Variants in TMC2 observed in about 807,000 individuals in gnomAD.
TMC2 encodes transmembrane channel-like protein 2.
TMC2 carries 102 observed loss-of-function variants against 105.9 expected under a neutral mutation model. The observed-to-expected ratio is 0.96, with a 90% CI of 0.82 to 1.14. The LOEUF is 1.14. TMC2 is among the 50% of genes most tolerant of loss of function. The pLI is 0.00. For synonymous variants in TMC2, 402 were observed against 422.8 expected, an observed-to-expected ratio of 0.95 and a Z score of 0.60; for missense variants, 1,093 against 1,134.3, an observed-to-expected ratio of 0.96 and a Z score of 0.52.
At chr20:2,580,482 T>C (rs2086181533) in intron 7 of TMC2, among the ~76,000 whole-genome samples, 2 of 152,154 alleles carry the variant, frequency 1.3e-5, no homozygotes, top group Non-Finnish European at 2.9e-5. Context: ...TTTCTTTTAC[T>C]CTCAGAAAAA....
At chr20:2,548,251 T>C (rs2085936066) in intron 2 of TMC2, among the ~76,000 whole-genome samples, 1 of 152,204 alleles carries the variant, frequency 6.6e-6, no homozygotes, top group East Asian at 1.9e-4. Context: ...GGCCCAAACA[T>C]ATAACTTCTC....
chr20:2,616,437 A>T lies in TMC2; in HGVS notation c.1940+233A>T, dbSNP rs561662979. Among the ~76,000 whole-genome samples, 1 of 151,888 alleles carries T rather than the reference A, an allele frequency of 6.6e-6. No homozygotes were observed. Among genetic ancestry groups the T allele is most frequent in the East Asian group, 1.9e-4 (1 of 5,158 alleles). ...AGAAAGGGAGAGGGGTTGGTGGAGG[A>T]GAAAAGGAAAAGGAAGGAAGGCAGG... On this transcript the variant is annotated intron_variant, in intron 15 of 19. Transcript: ENST00000358864. The surrounding 1 kb of genome is among the most constrained non-coding windows in gnomAD (Gnocchi z 4.8).
intron 17 of TMC2, among the ~76,000 whole-genome samples, chr20:2,627,617 G>A (rs912313777): frequency 2.0e-5 from 3 of 152,098 alleles, no homozygotes; most frequent in African/African-American, 7.2e-5. Context: ...GGAATGTGGA[G>A]CTCACCTCAC....
chr20:2,586,732 C>G (rs942016071), intron 7 of TMC2, among the ~76,000 whole-genome samples: 21 of 152,114 alleles, frequency 1.4e-4, no homozygotes, highest in African/African-American at 5.1e-4. Context: ...TATGTCCCAC[C>G]AGGCCCCACC....
At chr20:2,597,321 C>T (rs1485861480) in intron 10 of TMC2, 23 bp downstream of exon 10, 1 of 1,609,336 alleles carries the variant, frequency 6.2e-7, no homozygotes, top group Non-Finnish European at 8.5e-7. Context: ...GGGCAGTTCC[C>T]ACTTCCGGAG....
rs112475563 is a variant in TMC2, at chr20:2,571,573, T to A, written c.555-606T>A. 1.9e-3 allele frequency among the ~76,000 whole-genome samples: 283 copies of A among 152,344 alleles called. 1 individual carries two copies. The highest frequency in any genetic ancestry group is 3.5e-3 in the Non-Finnish European group (238 of 68,026). On this transcript the variant is annotated intron_variant, in intron 4 of 19. Transcript: ENST00000358864. ...AACACTTATACATTGTTGGTGGGAA[T>A]GTAAATTAGTTCAACCATCGTGGAA... is the stretch of plus-strand genomic sequence containing the variant.
chr20:2,555,234 C>T (rs73606146), intron 2 of TMC2, among the ~76,000 whole-genome samples: 15 of 152,248 alleles, frequency 9.9e-5, no homozygotes, highest in Admixed American at 3.9e-4. Flanking sequence ...GCATGCGCCA[C>T]GATGCCCAGC....
chr20:2,543,988 A>C, intron 2 of TMC2, among the ~76,000 whole-genome samples: 1 of 141,656 alleles, frequency 7.1e-6, no homozygotes, highest in South Asian at 2.2e-4. Flanking sequence ...TGCAACCTCC[A>C]CCTCCTGGGT....
chr20:2,603,705 C>A (rs1319661790), intron 11 of TMC2, among the ~76,000 whole-genome samples: 1 of 152,076 alleles, frequency 6.6e-6, no homozygotes, highest in South Asian at 2.1e-4. Flanking sequence ...AGTGAGAGAC[C>A]CCCAAGACCA....
rs1190067435 is a variant in TMC2, at chr20:2,556,079, T to C, written c.83-2377T>C. Among the ~76,000 whole-genome samples the C allele has an allele frequency of 2.0e-5, 3 of 152,118 alleles. No homozygotes were observed. The East Asian group carries it at 5.8e-4, about 29-fold the overall frequency. ...TAGGAATTTAAAAAGAAGGATTTTA[T>C]TTTTTATTTTTTATTTTTATTTTTT... On this transcript the variant is annotated intron_variant, in intron 2 of 19. Coordinates refer to ENST00000358864, the MANE Select transcript of TMC2 (RefSeq NM_080751.3).
chr20:2,605,460 T>C lies in TMC2; in HGVS notation c.1413+3159T>C, dbSNP rs150645410. ...CTGTGTCCTTCTGTGACCTTTCTTCTGTGCATGTGCATGGAGAGAGAGAGA... is the reference window on the plus strand; with the variant it reads ...CTGTGTCCTTCTGTGACCTTTCTTCCGTGCATGTGCATGGAGAGAGAGAGA... On this transcript the variant is annotated intron_variant, in intron 11 of 19. Transcript: ENST00000358864. Among the ~76,000 whole-genome samples, 665 of 152,336 alleles carry C rather than the reference T, an allele frequency of 4.4e-3. 6 individuals carry two copies. The highest frequency in any genetic ancestry group is 0.014 in the Middle Eastern group (4 of 294).
intron 11 of TMC2, among the ~76,000 whole-genome samples, chr20:2,606,173 T>C (rs2086390160): frequency 6.6e-6 from 1 of 152,222 alleles, no homozygotes; most frequent in Non-Finnish European, 1.5e-5. Context: ...TTATTTTCCT[T>C]TTTCTTTAAA....
chr20:2,595,263 G>A (rs950244418), intron 9 of TMC2, among the ~76,000 whole-genome samples: 15 of 152,320 alleles, frequency 9.8e-5, no homozygotes, highest in South Asian at 4.1e-4. Flanking sequence ...CCCTGAGGCC[G>A]CAAATAGCCT....
chr20:2,638,887 TGAA>T (rs2086668552), intron 19 of TMC2, among the ~76,000 whole-genome samples: 1 of 152,130 alleles, frequency 6.6e-6, no homozygotes, highest in African/African-American at 2.4e-5. Context: ...GGTTTATTAT[TGAA>T]GAAAGAAAAA....
chr20:2,563,959 C>T (rs1213921942), intron 4 of TMC2, among the ~76,000 whole-genome samples: 1 of 152,064 alleles, frequency 6.6e-6, no homozygotes, highest in Admixed American at 6.6e-5. Context: ...AACTCCTGGA[C>T]TCAAGCGATC....
chr20:2,613,491 T>G, intron 14 of TMC2, 169 bp downstream of exon 14: 3 of 974,056 alleles, frequency 3.1e-6, no homozygotes, highest in Non-Finnish European at 4.6e-6. Context: ...AGGGTCCTAT[T>G]TGCCTTCATA....
chr20:2,556,867 CCTT>C (rs1287976945), intron 2 of TMC2, among the ~76,000 whole-genome samples: 2 of 113,474 alleles, frequency 1.8e-5, no homozygotes, highest in Non-Finnish European at 3.8e-5. Flanking sequence ...AGAATTCTGT[CCTT>C]TTTTTTTTTT....
intron 7 of TMC2, among the ~76,000 whole-genome samples, chr20:2,587,295 T>C (rs2086237898): frequency 6.6e-6 from 1 of 152,204 alleles, no homozygotes; most frequent in South Asian, 2.1e-4. Flanking sequence ...TTTAAGATTG[T>C]TATGTGGTGA....
In TMC2 at chr20:2,549,897, T is replaced by G. The variant is rs549978488; in HGVS notation, c.83-8559T>G. ...GAAAAATTTTGCCGAAATTACAGAG[T>G]TTTGGCTGTGTGCAGTGGCTCACGC... is the stretch of plus-strand genomic sequence containing the variant. On this transcript the variant is annotated intron_variant, in intron 2 of 19. Coordinates refer to ENST00000358864, the MANE Select transcript of TMC2 (RefSeq NM_080751.3). 2.0e-5 allele frequency among the ~76,000 whole-genome samples: 3 copies of G among 152,080 alleles called. No individual in the cohort carries two copies. The East Asian group carries it at 5.8e-4, about 29-fold the overall frequency.
Sources: gnomAD v4.1 joint callset for allele counts (sites outside exome capture counted in the v4.1 genomes callset) on GRCh38, gnomAD v4.1.1 for gene constraint, Gnocchi (gnomAD v3.1) non-coding constraint, MANE v1.5 for transcripts, NCBI Gene and HGNC (gene_info 2026-07-23, HGNC 2026-07-21) for gene names.